Variants in HCN1 observed in about 807,000 individuals in gnomAD.
HCN1 encodes potassium/sodium hyperpolarization-activated cyclic nucleotide-gated channel 1.
HCN1 carries 13 observed loss-of-function variants against 78.9 expected under a neutral mutation model. The observed-to-expected ratio is 0.16, with a 90% CI of 0.11 to 0.26. The LOEUF (loss-of-function observed/expected upper bound fraction) is 0.26, where lower values mean the gene tolerates loss of function less well. HCN1 is among the 10% of genes least tolerant of loss of function. The probability of loss-of-function intolerance (pLI) is 1.00; values close to 1 mark genes in which losing one functional copy is unlikely to be tolerated. For synonymous variants in HCN1, 552 were observed against 455.5 expected (o/e 1.21, Z -2.70); for missense variants, 810 against 1,154.3 (o/e 0.70, Z 4.32).
chr5:45,451,198 C>T (rs552043552), intron 3 of HCN1, among the ~76,000 whole-genome samples: 7 of 152,198 alleles, frequency 4.6e-5, no homozygotes, highest in African/African-American at 1.2e-4. Context: ...CTACATCTCT[C>T]ATTTATAGGG....
intron 5 of HCN1, among the ~76,000 whole-genome samples, chr5:45,350,846 C>T (rs1357802831): frequency 1.3e-5 from 2 of 152,102 alleles, no homozygotes; most frequent in African/African-American, 4.8e-5. Flanking sequence ...TCAAGGAGAA[C>T]TACAAACCAC....
At chr5:45,362,855 T>G (rs985023340) in intron 4 of HCN1, among the ~76,000 whole-genome samples, 2 of 152,014 alleles carry the variant, frequency 1.3e-5, no homozygotes, top group Non-Finnish European at 2.9e-5. Context: ...TGATCACAAG[T>G]AGCCCTCTAC....
intron 5 of HCN1, among the ~76,000 whole-genome samples, chr5:45,342,890 G>T (rs1746615762): frequency 6.6e-6 from 1 of 151,970 alleles, no homozygotes; most frequent in African/African-American, 2.4e-5. Flanking sequence ...AGACAAAAGT[G>T]GAGAAAACAA....
intron 5 of HCN1, among the ~76,000 whole-genome samples, chr5:45,344,027 A>G (rs939840107): frequency 6.6e-6 from 1 of 152,116 alleles, no homozygotes; most frequent in African/African-American, 2.4e-5. Context: ...TATAAACAAA[A>G]GAGCTTTATT....
At chr5:45,394,741 C>A (rs559311351) in intron 4 of HCN1, among the ~76,000 whole-genome samples, 1 of 151,772 alleles carries the variant, frequency 6.6e-6, no homozygotes, top group East Asian at 1.9e-4. Context: ...ATTTGAACCC[C>A]GAAGGTAGAG....
Position 45,409,222 on chromosome 5 carries a change from A to G in HCN1, c.1012-12512T>C, listed in dbSNP as rs116663918. Among the ~76,000 whole-genome samples the G allele has an allele frequency of 5.9e-3, 903 of 152,160 alleles. 13 individuals carry two copies. The highest frequency in any genetic ancestry group is 0.019 in the African/African-American group (791 of 41,540). On this transcript the variant is annotated intron_variant, in intron 3 of 7. Transcript: ENST00000303230. ...AATAAGCTTTCTGTTTTCCAACTGA[A>G]AGAGTTTTGTAAATGAGGGGATAAA... is the stretch of plus-strand genomic sequence containing the variant.
intron 3 of HCN1, among the ~76,000 whole-genome samples, chr5:45,399,995 C>A (rs1419601369): frequency 6.6e-6 from 1 of 152,010 alleles, no homozygotes; most frequent in Admixed American, 6.6e-5. Context: ...GTATAATACT[C>A]AGAAATACAT....
intron 5 of HCN1, among the ~76,000 whole-genome samples, chr5:45,347,336 C>G (rs878883822): frequency 1.1e-4 from 17 of 152,086 alleles, no homozygotes; most frequent in Non-Finnish European, 2.4e-4. Flanking sequence ...CTAACAAACA[C>G]AAAGGACATC....
chr5:45,580,609 A>G (rs1177153086), intron 2 of HCN1, among the ~76,000 whole-genome samples: 1 of 152,054 alleles, frequency 6.6e-6, no homozygotes, highest in Non-Finnish European at 1.5e-5. Context: ...ACATGTGTAT[A>G]CATGTGCCAT....
chr5:45,280,056 C>A (rs1051761307), intron 6 of HCN1, among the ~76,000 whole-genome samples: 1 of 151,952 alleles, frequency 6.6e-6, no homozygotes, highest in Non-Finnish European at 1.5e-5. Context: ...CATATCAGGA[C>A]AAGAAAATTC....
At chr5:45,424,770 T>A (rs1740312321) in intron 3 of HCN1, among the ~76,000 whole-genome samples, 1 of 152,186 alleles carries the variant, frequency 6.6e-6, no homozygotes, top group Non-Finnish European at 1.5e-5. Flanking sequence ...CATTAATGAA[T>A]AAGATTAGAT....
chr5:45,309,013 C>G (rs574477696), intron 5 of HCN1, among the ~76,000 whole-genome samples: 2 of 152,148 alleles, frequency 1.3e-5, no homozygotes, highest in South Asian at 4.1e-4. Flanking sequence ...GAATGTTTTT[C>G]CATTTGTTTG....
intron 1 of HCN1, among the ~76,000 whole-genome samples, chr5:45,674,081 TTA>T (rs1178503308): frequency 6.6e-6 from 1 of 151,398 alleles, no homozygotes; most frequent in Non-Finnish European, 1.5e-5. Flanking sequence ...CATGGGATAG[TTA>T]TGTTTTAAAA....
intron 3 of HCN1, among the ~76,000 whole-genome samples, chr5:45,412,013 T>A (rs189062103): frequency 1.2e-4 from 19 of 152,238 alleles, no homozygotes; most frequent in African/African-American, 4.6e-4. Context: ...AAAGGTGTCT[T>A]GCCTTAACCT....
rs146175761 is a variant in HCN1, at chr5:45,378,686, A to T, written c.1230+17806T>A. Among the ~76,000 whole-genome samples the T allele has an allele frequency of 9.4e-3, 1,431 of 152,184 alleles. 27 individuals are homozygous for T. The highest frequency in any genetic ancestry group is 0.034 in the African/African-American group (1,400 of 41,536). ...TGTGCACAACGTGCAGGTTTGTCAC[A>T]TATGTATACATGTGCCATGTTGCTG... On this transcript the variant is annotated intron_variant, in intron 4 of 7. Transcript: ENST00000303230.
chr5:45,474,368 G>T (rs577306794), intron 2 of HCN1, among the ~76,000 whole-genome samples: 1 of 151,560 alleles, frequency 6.6e-6, no homozygotes, highest in East Asian at 1.9e-4. Context: ...ACATTTAATT[G>T]GTGACTAAGT....
At chr5:45,307,878 AC>A (rs2111911459) in intron 5 of HCN1, among the ~76,000 whole-genome samples, 1 of 152,220 alleles carries the variant, frequency 6.6e-6, no homozygotes, top group African/African-American at 2.4e-5. Context: ...GGTATTAAAA[AC>A]GGGGGAAATT....
chr5:45,634,995 GTAGT>G (rs1279921323), intron 2 of HCN1, among the ~76,000 whole-genome samples: 1 of 152,016 alleles, frequency 6.6e-6, no homozygotes, highest in African/African-American at 2.4e-5. Context: ...GTACTGTTAG[GTAGT>G]TATAGTTCCT....
At chr5:45,474,184 A>G (rs988090873) in intron 2 of HCN1, among the ~76,000 whole-genome samples, 4 of 151,816 alleles carry the variant, frequency 2.6e-5, no homozygotes, top group Non-Finnish European at 4.4e-5. Context: ...AATGAAGCAA[A>G]ATTTCTTAAT....
Sources: allele counts gnomAD v4.1 joint callset (sites outside exome capture counted in the v4.1 genomes callset), GRCh38; gene constraint gnomAD v4.1.1; transcripts MANE v1.5; gene names NCBI Gene and HGNC (gene_info 2026-07-23, HGNC 2026-07-21).